Variants in CSRP2 observed in about 807,000 individuals in gnomAD.
CSRP2 encodes cysteine and glycine rich protein 2.
Under a neutral mutation model 24.6 loss-of-function variants are expected in CSRP2, and 18 were observed. That is an observed-to-expected ratio of 0.73 (90% CI 0.51 to 1.09). CSRP2 has a LOEUF of 1.09. Ranked by LOEUF, CSRP2 falls within the 50% of genes least tolerant of loss-of-function variation. CSRP2 has a pLI of 0.00. For missense variants in CSRP2, 215 were observed against 239.4 expected, an observed-to-expected ratio of 0.90 and a Z score of 0.67; for synonymous variants, 87 against 84.3, an observed-to-expected ratio of 1.03 and a Z score of -0.18.
chr12:76,859,050 G>A, intron 5 of CSRP2, 22 bp from the exon 6 acceptor site: 1 of 1,607,552 alleles, frequency 6.2e-7, no homozygotes. Context: ...AGGGAGGAAG[G>A]ATAGTTAGTG....
intron 3 of CSRP2, chr12:76,860,796 A>G (rs1953668929): frequency 1.3e-5 from 2 of 155,590 alleles, no homozygotes; most frequent in African/African-American, 4.8e-5. Flanking sequence ...AATCATACCT[A>G]GCTTTTTACT....
chr12:76,871,825 A>T (rs963065876), intron 1 of CSRP2, among the ~76,000 whole-genome samples: 5 of 151,912 alleles, frequency 3.3e-5, no homozygotes, highest in African/African-American at 1.2e-4. Flanking sequence ...TGAACCTCTA[A>T]TGGACATTTC....
intron 5 of CSRP2, 164 bp downstream of exon 5, chr12:76,859,383 A>G (rs1248669460): frequency 2.5e-5 from 15 of 611,856 alleles, no homozygotes; most frequent in Non-Finnish European, 4.4e-5. Context: ...ATGATCAGGA[A>G]CTTAACTGTG....
In CSRP2 at chr12:76,866,263, T is replaced by C; in HGVS notation, c.-1-2A>G. The C allele has an allele frequency of 1.2e-6, 2 of 1,611,396 alleles. No homozygotes were observed. Among genetic ancestry groups the C allele is most frequent in the Non-Finnish European group, 1.7e-6 (2 of 1,177,564 alleles). On this transcript the variant is annotated splice_acceptor_variant, in intron 1 of 5. Transcript: ENST00000311083. LOFTEE classifies it low-confidence loss of function (5UTR_SPLICE). The stretch of plus-strand genomic sequence containing the variant: ...TTTCCACCTCCCCAGACAGGCATTC[T>C]GAAGGAATAAAGGATTCATTAGAAT...
rs753964483 is a variant in CSRP2 at position 76,859,033 on chromosome 12, A to T, written c.506-5T>A. On this transcript the variant is annotated splice_region_variant and splice_polypyrimidine_tract_variant and intron_variant, in intron 5 of 5. Coordinates refer to ENST00000311083, the MANE Select transcript of CSRP2 (RefSeq NM_001321.3). ...CAAAGTTCTTTGCATAGCATCCTAC[A>T]AAGGAAAGGGAGGAAGGATAGTTAG... 1.2e-6 allele frequency: 2 copies of T among 1,613,922 alleles called. No homozygotes were observed. The highest frequency in any genetic ancestry group is 1.7e-6 in the Non-Finnish European group (2 of 1,179,782).
At chr12:76,864,085 A>G (rs983054673) in intron 2 of CSRP2, 5 of 152,202 alleles carry the variant, frequency 3.3e-5, no homozygotes, top group Non-Finnish European at 5.9e-5. Context: ...TTCTTTCTTG[A>G]TGGATCTCTT....
intron 1 of CSRP2, among the ~76,000 whole-genome samples, chr12:76,871,745 A>AAG (rs1953802016): frequency 6.8e-6 from 1 of 147,788 alleles, no homozygotes; most frequent in South Asian, 2.2e-4. Flanking sequence ...GCCTGGGTGA[A>AAG]ACTGCAAGAC....
chr12:76,864,384 TAGTTA>T (rs1287342752), intron 2 of CSRP2: 2 of 152,062 alleles, frequency 1.3e-5, no homozygotes, highest in Non-Finnish European at 2.9e-5. Flanking sequence ...TGTAAAAATA[TAGTTA>T]GAATGAATAA....
intron 3 of CSRP2, chr12:76,861,404 C>A (rs1953677421): frequency 6.8e-6 from 1 of 146,586 alleles, no homozygotes. Flanking sequence ...GTTCACTGGT[C>A]TTTGTGCTTT....
intron 1 of CSRP2, among the ~76,000 whole-genome samples, chr12:76,872,365 T>C (rs569537434): frequency 6.6e-6 from 1 of 152,336 alleles, no homozygotes; most frequent in East Asian, 1.9e-4. Context: ...ATTACGAAAT[T>C]ATTTTAGGCA....
rs994852359 is a variant in CSRP2 at position 76,859,120 on chromosome 12, A to G, written c.506-92T>C. On this transcript the variant is annotated intron_variant, in intron 5 of 5. Transcript: ENST00000311083. ...CCCACTCAACAAACCCCCATAAATT[A>G]AACTGCTGTGTAAAAGAGCTCAACT... is the stretch of plus-strand genomic sequence containing the variant. 11 of 990,082 alleles carry G rather than the reference A, an allele frequency of 1.1e-5. No homozygotes were observed. The African/African-American group carries it at 1.8e-4, about 16-fold the overall frequency. 61.3% of individuals were successfully genotyped at this position (990,082 alleles called of 1,614,324 possible).
At chr12:76,869,170 TCTGGAGGC>T (rs1480828915) in intron 1 of CSRP2, among the ~76,000 whole-genome samples, 2 of 152,106 alleles carry the variant, frequency 1.3e-5, no homozygotes, top group Non-Finnish European at 2.9e-5. Context: ...TGCAGCATCC[TCTGGAGGC>T]CAGGAACACT....
chr12:76,869,731 C>T lies in CSRP2; in HGVS notation c.-1-3470G>A, dbSNP rs571395025. Among the ~76,000 whole-genome samples, 7 of 152,268 alleles carry T rather than the reference C, an allele frequency of 4.6e-5. 1 individual carries two copies. The South Asian group carries it at 1.2e-3, about 27-fold the overall frequency. On this transcript the variant is annotated intron_variant, in intron 1 of 5. Transcript: ENST00000311083. Reference sequence around the variant, plus strand: ...GCATCCATATAGGATCAGTATCTTGCGACAATAGGACATGTTTACAAGCTT... The same window carrying T: ...GCATCCATATAGGATCAGTATCTTGTGACAATAGGACATGTTTACAAGCTT...
chr12:76,864,415 A>G (rs938181941), intron 2 of CSRP2: 3 of 152,192 alleles, frequency 2.0e-5, no homozygotes, highest in South Asian at 2.1e-4. Context: ...AGTATTTGAT[A>G]GCACAACAGG....
chr12:76,867,936 C>T (rs1953751572), intron 1 of CSRP2, among the ~76,000 whole-genome samples: 2 of 152,184 alleles, frequency 1.3e-5, no homozygotes, highest in Admixed American at 1.3e-4. Context: ...GATGAGGCCT[C>T]TCCAAAAGAA....
chr12:76,869,467 T>A (rs1204587753), intron 1 of CSRP2, among the ~76,000 whole-genome samples: 5 of 151,692 alleles, frequency 3.3e-5, no homozygotes, highest in Non-Finnish European at 7.4e-5. Flanking sequence ...GCCTCAGTTA[T>A]GAGCCAATAA....
At chr12:76,868,273 A>G (rs1465490322) in intron 1 of CSRP2, among the ~76,000 whole-genome samples, 1 of 152,178 alleles carries the variant, frequency 6.6e-6, no homozygotes, top group African/African-American at 2.4e-5. Context: ...CTTTACTGAT[A>G]TGGTTTGGCT....
intron 1 of CSRP2, among the ~76,000 whole-genome samples, chr12:76,872,644 C>A (rs1049185220): frequency 6.6e-6 from 1 of 152,208 alleles, no homozygotes; most frequent in Non-Finnish European, 1.5e-5. Context: ...ACGTGAATGA[C>A]ATGCCTGGTC....
chr12:76,867,948 G>T (rs1565825218), intron 1 of CSRP2, among the ~76,000 whole-genome samples: 1 of 152,158 alleles, frequency 6.6e-6, no homozygotes, highest in Non-Finnish European at 1.5e-5. Flanking sequence ...CCAAAAGAAA[G>T]ATTAATGGAG....
Sources: allele counts gnomAD v4.1 joint callset (sites outside exome capture counted in the v4.1 genomes callset), GRCh38; gene constraint gnomAD v4.1.1; transcripts MANE v1.5; gene names NCBI Gene and HGNC (gene_info 2026-07-23, HGNC 2026-07-21).